DGKA: variants seen among roughly 807,000 people sequenced by gnomAD.
DGKA encodes 80 kDa diacylglycerol kinase.
DGKA carries 35 observed loss-of-function variants against 105.0 expected under a neutral mutation model. The ratio of observed to expected loss-of-function variants is 0.33; its 90% CI spans 0.25 to 0.44. The LOEUF (loss-of-function observed/expected upper bound fraction) is 0.44, where lower values mean the gene tolerates loss of function less well. DGKA is among the 20% of genes least tolerant of loss of function. The pLI, the probability that DGKA is intolerant of heterozygous loss-of-function variation, is 1.00. For missense variants in DGKA, 665 were observed against 915.0 expected, an observed-to-expected ratio of 0.73 and a Z score of 3.53; for synonymous variants, 296 against 332.0, an observed-to-expected ratio of 0.89 and a Z score of 1.18.
At chr12:55,931,809 C>G (rs1378274688) in intron 1 of DGKA, 1 of 152,474 alleles carries the variant, frequency 6.6e-6, no homozygotes, top group African/African-American at 2.4e-5. Context: ...CTGCCGCCGG[C>G]GCGGGAAGAA....
rs186327256 is a variant in DGKA at position 55,936,140 on chromosome 12, G to A, written c.-81-283G>A. ...AAGCCGGGTGCGGGTGGGAAGGTGA[G>A]GGTGGTCAGATGAATCAAGATAGGT... On this transcript the variant is annotated intron_variant, in intron 1 of 23. Transcript: ENST00000331886. 7.4e-5 allele frequency: 50 copies of A among 673,864 alleles called. No individual in the cohort carries two copies. The East Asian group carries it at 3.4e-3, about 46-fold the overall frequency. 41.7% of individuals were successfully genotyped at this position (673,864 alleles called of 1,614,324 possible). A position where few individuals can be genotyped will look rare whatever the true frequency, so the allele number is the denominator to read the frequency against.
At chr12:55,941,230 T>G in intron 13 of DGKA, 22 bp from the exon 14 acceptor site, 2 of 1,600,230 alleles carry the variant, frequency 1.2e-6, no homozygotes, top group Middle Eastern at 1.7e-4. Flanking sequence ...TTCTTTGTCC[T>G]TATTTTCTTC....
chr12:55,938,183 G>A, intron 5 of DGKA, 131 bp downstream of exon 5: 1 of 826,618 alleles, frequency 1.2e-6, no homozygotes. Context: ...GCCAGAGAAT[G>A]AGCCCATTTC....
At chr12:55,942,342 G>A (rs972664530) in intron 17 of DGKA, 79 bp downstream of exon 17, 2 of 1,345,928 alleles carry the variant, frequency 1.5e-6, no homozygotes, top group Non-Finnish European at 2.1e-6. Context: ...AAGAAACTAG[G>A]CATCTGGTAT....
intron 1 of DGKA, among the ~76,000 whole-genome samples, chr12:55,934,659 A>G (rs1339990530): frequency 1.3e-5 from 2 of 152,246 alleles, no homozygotes; most frequent in Admixed American, 6.5e-5. Flanking sequence ...GGGGTAGTCA[A>G]TAAGTGCTTT....
chr12:55,950,500 G>A (rs1272142909), intron 17 of DGKA, among the ~76,000 whole-genome samples: 1 of 151,500 alleles, frequency 6.6e-6, no homozygotes, highest in African/African-American at 2.4e-5. Flanking sequence ...TAGAGACAGG[G>A]TTTCACCATG....
chr12:55,938,870 G>A, intron 6 of DGKA, 45 bp from the exon 7 acceptor site: 1 of 1,608,846 alleles, frequency 6.2e-7, no homozygotes, highest in Non-Finnish European at 8.5e-7. Context: ...TTGGATGGTG[G>A]TAGTAAAGGG....
intron 17 of DGKA, among the ~76,000 whole-genome samples, chr12:55,944,322 T>C (rs1012227920): frequency 6.6e-6 from 1 of 151,248 alleles, no homozygotes; most frequent in African/African-American, 2.4e-5. Context: ...AACACACAAA[T>C]AAATAGCCAG....
upstream of DGKA, among the ~76,000 whole-genome samples, chr12:55,928,977 T>G (rs1336358080): frequency 2.6e-5 from 4 of 151,432 alleles, no homozygotes. Context: ...GCCAACATGG[T>G]GAAATCCCAT....
chr12:55,932,592 A>G lies in DGKA; in HGVS notation c.-82+1248A>G, dbSNP rs1883826955. 1 of 702,078 alleles carries G rather than the reference A, an allele frequency of 1.4e-6. No individual in the cohort carries two copies. Among genetic ancestry groups the G allele is most frequent in the South Asian group, 1.5e-5 (1 of 67,584 alleles). 43.5% of individuals were successfully genotyped at this position (702,078 alleles called of 1,614,324 possible). On this transcript the variant is annotated intron_variant, in intron 1 of 23. Coordinates refer to ENST00000331886, the MANE Select transcript of DGKA (RefSeq NM_001345.5). The surrounding 1 kb of genome is among the most constrained non-coding windows in gnomAD (Gnocchi z 4.3). ...TGAGCCTTCCTGAGGAAGAATGGCA[A>G]ATATTACTGGGCATCTCTTCAGCCT...
chr12:55,950,463 C>T (rs982956281), intron 17 of DGKA, among the ~76,000 whole-genome samples: 7 of 151,638 alleles, frequency 4.6e-5, no homozygotes, highest in Non-Finnish European at 1.0e-4. Flanking sequence ...CCCACCACCA[C>T]GCCTGGCTAA....
rs61756279 is a variant in DGKA, at chr12:55,951,757, A to G, written c.1561A>G (p.Ile521Val). The G allele has an allele frequency of 4.0e-3, 6,486 of 1,613,882 alleles. 21 individuals carry two copies. Among genetic ancestry groups the G allele is most frequent in the Admixed American group, 5.5e-3 (332 of 59,980 alleles). ...EKSDPVPFQI[I>V]NNYFSIGVDA... ...AAGTGACCCAGTCCCCTTTCAAATC[A>G]TCAATAACTACTTCTCTATTGGCGT... Residue 521 changes from isoleucine (I) to valine (V), a missense_variant, in exon 18 of 24, where the codon ATC (isoleucine) becomes GTC (valine). This residue lies in a region of DGKA where 504 missense variants were observed against 681.2 expected (regional missense o/e 0.74). Coordinates refer to ENST00000331886, the MANE Select transcript of DGKA (RefSeq NM_001345.5).
rs748702049 is a variant in DGKA, at chr12:55,940,733, C to T, written c.1017+11C>T. The T allele has an allele frequency of 5.0e-6, 8 of 1,612,486 alleles. No individual in the cohort carries two copies. Among genetic ancestry groups the T allele is most frequent in the East Asian group, 2.2e-5 (1 of 44,876 alleles). ...TATCCCAGTGTCCTGGTGAGACCCT[C>T]GGCAGCAGCGGGGAGGGGACAGGAG... On this transcript the variant is annotated intron_variant, in intron 12 of 23. Coordinates refer to ENST00000331886, the MANE Select transcript of DGKA (RefSeq NM_001345.5). This position sits in a 1 kb window ranked among gnomAD's most constrained non-coding sequence, Gnocchi z 4.3.
intron 15 of DGKA, among the ~76,000 whole-genome samples, 184 bp from the exon 16 acceptor site, chr12:55,941,814 C>T (rs1345533993): frequency 2.0e-5 from 3 of 152,160 alleles, no homozygotes; most frequent in Non-Finnish European, 1.5e-5. Context: ...TTTCCCTAAC[C>T]ACTGAGGAGT....
In DGKA at chr12:55,932,274, G is replaced by A. The variant is rs1883728833; in HGVS notation, c.-82+930G>A. ...GGAGCGGGTATCGAGAAGGGTCTGC[G>A]CTGGGACGCGGGGGTGCAGCGGGAG... On this transcript the variant is annotated intron_variant, in intron 1 of 23. Transcript: ENST00000331886. The surrounding 1 kb of genome is among the most constrained non-coding windows in gnomAD (Gnocchi z 4.3). 3.9e-6 allele frequency: 2 copies of A among 508,878 alleles called. No individual in the cohort carries two copies. Among genetic ancestry groups the A allele is most frequent in the African/African-American group, 1.9e-5 (1 of 51,802 alleles). The allele number at this position is 508,878 out of a possible 1,614,324, so 31.5% of individuals were successfully genotyped here. A position where few individuals can be genotyped will look rare whatever the true frequency, so the allele number is the denominator to read the frequency against.
In DGKA at chr12:55,939,439, A is replaced by G; in HGVS notation, c.619A>G (p.Met207Val). 1 of 1,614,212 alleles carries G rather than the reference A, an allele frequency of 6.2e-7. No homozygotes were observed. The highest frequency in any genetic ancestry group is 8.5e-7 in the Non-Finnish European group (1 of 1,180,038). The change falls in exon 9 of 24, where the codon ATG becomes GTG. Residue 207 changes from methionine (M) to valine (V), a missense_variant. Physicochemically the swap from Met to Val is conservative, Grantham distance 21. Around this residue, in one of 3 missense-constraint regions of DGKA, gnomAD observed 504 missense variants for 681.2 expected, o/e 0.74. Transcript: ENST00000331886. Reference protein sequence around the residue: ...EMTLKDDGQHMWRPKRFPRPV... With the variant: ...EMTLKDDGQHVWRPKRFPRPV... Reference sequence around the variant, plus strand: ...GACTCTGAAGGACGACGGACAGCACATGTGGAGGCCCAAGAGGTTCCCCAG... The same window carrying G: ...GACTCTGAAGGACGACGGACAGCACGTGTGGAGGCCCAAGAGGTTCCCCAG...
chr12:55,941,788 G>T (rs1020657045), intron 15 of DGKA, among the ~76,000 whole-genome samples: 1 of 152,176 alleles, frequency 6.6e-6, no homozygotes, highest in Non-Finnish European at 1.5e-5. Context: ...TGCTCTCAAA[G>T]AATGAAGATC....
chr12:55,929,410 G>C (rs950807287), upstream of DGKA: 2 of 152,254 alleles, frequency 1.3e-5, no homozygotes, highest in Non-Finnish European at 2.9e-5. Flanking sequence ...CTTTGTGCAG[G>C]AGGGAAACCT....
intron 17 of DGKA, among the ~76,000 whole-genome samples, chr12:55,947,521 A>G (rs1474132308): frequency 6.6e-6 from 1 of 152,160 alleles, no homozygotes; most frequent in African/African-American, 2.4e-5. Flanking sequence ...CTAACTTAAC[A>G]GTTCATATTG....
Sources: allele counts gnomAD v4.1 joint callset (sites outside exome capture counted in the v4.1 genomes callset), GRCh38; gene constraint gnomAD v4.1.1; regional missense constraint gnomAD v4.1.1; non-coding constraint Gnocchi (gnomAD v3.1); transcripts MANE v1.5; gene names NCBI Gene and HGNC (gene_info 2026-07-23, HGNC 2026-07-21).